STXBP6: variants seen among roughly 807,000 people sequenced by gnomAD.
STXBP6 encodes syntaxin-binding protein 6.
In STXBP6, 21 loss-of-function variants were observed where a neutral mutation model predicts 26.9. The ratio of observed to expected loss-of-function variants is 0.78; its 90% CI spans 0.55 to 1.12. The LOEUF is 1.12. Ranked by LOEUF, STXBP6 falls within the 50% of genes most tolerant of loss-of-function variation. STXBP6 has a pLI of 0.00. For missense variants in STXBP6, 232 were observed against 257.9 expected (o/e 0.90, Z 0.69); for synonymous variants, 97 against 92.6 (o/e 1.05, Z -0.27).
At chr14:25,013,589 A>G (rs548059166) in intron 1 of STXBP6, among the ~76,000 whole-genome samples, 1 of 152,288 alleles carries the variant, frequency 6.6e-6, no homozygotes, top group East Asian at 1.9e-4. Context: ...AATTCAATCT[A>G]GCCTCTAAAT....
intron 2 of STXBP6, among the ~76,000 whole-genome samples, chr14:24,893,967 G>T (rs757476379): frequency 7.2e-5 from 11 of 151,968 alleles, no homozygotes; most frequent in Non-Finnish European, 1.3e-4. Context: ...TCAGGACCAA[G>T]GATCATAGAA....
intron 2 of STXBP6, among the ~76,000 whole-genome samples, chr14:24,861,998 T>C (rs2069556041): frequency 6.6e-6 from 1 of 152,096 alleles, no homozygotes; most frequent in South Asian, 2.1e-4. Flanking sequence ...TGCGCGTTTT[T>C]TGTTCTGTTT....
At chr14:24,904,006 A>G (rs543110457) in intron 2 of STXBP6, among the ~76,000 whole-genome samples, 1 of 152,282 alleles carries the variant, frequency 6.6e-6, no homozygotes, top group East Asian at 1.9e-4. Context: ...AAACCTGGAC[A>G]GGTTTTGGTA....
intron 2 of STXBP6, among the ~76,000 whole-genome samples, chr14:24,909,057 T>C (rs1325952144): frequency 6.6e-6 from 1 of 152,240 alleles, no homozygotes; most frequent in African/African-American, 2.4e-5. Flanking sequence ...TTCTGTGTTA[T>C]CTTTAGGGAT....
At chr14:24,964,748 G>A (rs929433889) in intron 2 of STXBP6, among the ~76,000 whole-genome samples, 2 of 151,854 alleles carry the variant, frequency 1.3e-5, no homozygotes, top group Non-Finnish European at 2.9e-5. Context: ...GAGAAGCTGG[G>A]TCCACAGGCA....
intron 1 of STXBP6, among the ~76,000 whole-genome samples, chr14:25,025,029 A>G (rs907075624): frequency 1.3e-5 from 2 of 152,182 alleles, no homozygotes; most frequent in African/African-American, 2.4e-5. Context: ...GTGTAAGCCT[A>G]ACAGTTCTAA....
At chr14:24,930,939 A>G (rs35026812) in intron 2 of STXBP6, among the ~76,000 whole-genome samples, 28,610 of 137,656 alleles carry the variant, frequency 0.21, 2,964 homozygotes, top group African/African-American at 0.28. Flanking sequence ...GTGAAACCCC[A>G]TCTCTACTAA....
intron 2 of STXBP6, among the ~76,000 whole-genome samples, chr14:24,875,038 A>T (rs912346488): frequency 2.0e-5 from 3 of 152,184 alleles, no homozygotes; most frequent in Non-Finnish European, 4.4e-5. Context: ...CTACATGGAG[A>T]ATGAACCTTG....
At chr14:24,927,409 G>A (rs1273656703) in intron 2 of STXBP6, among the ~76,000 whole-genome samples, 3 of 152,154 alleles carry the variant, frequency 2.0e-5, no homozygotes, top group Non-Finnish European at 2.9e-5. Context: ...CTAAAATAGA[G>A]TGAAGTGGAA....
At chr14:25,005,808 A>G (rs989759014) in intron 1 of STXBP6, among the ~76,000 whole-genome samples, 2 of 100,858 alleles carry the variant, frequency 2.0e-5, no homozygotes, top group East Asian at 4.7e-4. Flanking sequence ...GGAAAAAACT[A>G]AAAAAAAAAA....
At chr14:24,823,153 A>T (rs2068186483) in intron 4 of STXBP6, among the ~76,000 whole-genome samples, 1 of 152,188 alleles carries the variant, frequency 6.6e-6, no homozygotes. Context: ...CCTTCATATC[A>T]GTTCCACTTA....
intron 1 of STXBP6, among the ~76,000 whole-genome samples, chr14:25,020,885 C>T (rs1474246106): frequency 6.6e-6 from 1 of 152,178 alleles, no homozygotes; most frequent in East Asian, 1.9e-4. Flanking sequence ...ATGATGCCTA[C>T]TGTATCTCTG....
intron 2 of STXBP6, among the ~76,000 whole-genome samples, chr14:24,881,233 C>T (rs2070345130): frequency 1.3e-5 from 2 of 152,024 alleles, no homozygotes; most frequent in Admixed American, 1.3e-4. Context: ...AGGCAGCTTT[C>T]TCTATACTTT....
At chr14:24,903,530 T>C (rs1199829835) in intron 2 of STXBP6, among the ~76,000 whole-genome samples, 3 of 152,182 alleles carry the variant, frequency 2.0e-5, no homozygotes, top group Non-Finnish European at 4.4e-5. Flanking sequence ...ACAAAGTTCT[T>C]AATAAATATT....
intron 2 of STXBP6, among the ~76,000 whole-genome samples, chr14:24,946,584 C>T (rs2073000712): frequency 6.6e-6 from 1 of 152,092 alleles, no homozygotes; most frequent in Non-Finnish European, 1.5e-5. Context: ...ACAGGGGTAC[C>T]CCATAACCTC....
intron 1 of STXBP6, among the ~76,000 whole-genome samples, chr14:25,006,402 CAT>C (rs1305487542): frequency 6.6e-6 from 1 of 152,130 alleles, no homozygotes; most frequent in African/African-American, 2.4e-5. Flanking sequence ...TCTAAGGCTG[CAT>C]ATGTATATGT....
At chr14:24,966,700 A>G (rs192506725) in intron 2 of STXBP6, among the ~76,000 whole-genome samples, 33 of 152,344 alleles carry the variant, frequency 2.2e-4, no homozygotes, top group African/African-American at 7.9e-4. Flanking sequence ...CTCTAAAAAA[A>G]TTTCAGGCAT....
chr14:24,827,560 C>T (rs2068323904), intron 4 of STXBP6, among the ~76,000 whole-genome samples: 1 of 152,160 alleles, frequency 6.6e-6, no homozygotes, highest in African/African-American at 2.4e-5. Context: ...ATATCCCACA[C>T]CAAAATGCTC....
chr14:24,868,570 C>G (rs2069806920), intron 2 of STXBP6, among the ~76,000 whole-genome samples: 1 of 152,106 alleles, frequency 6.6e-6, no homozygotes, highest in African/African-American at 2.4e-5. Context: ...GAGTCAGAGA[C>G]AAAAGCAAGT....
Sources: gnomAD v4.1 joint callset for allele counts (sites outside exome capture counted in the v4.1 genomes callset) on GRCh38, gnomAD v4.1.1 for gene constraint, MANE v1.5 for transcripts, NCBI Gene and HGNC (gene_info 2026-07-23, HGNC 2026-07-21) for gene names.